Variants in MIPOL1 observed in about 807,000 individuals in gnomAD.
MIPOL1 encodes the protein mirror-image polydactyly gene 1 protein.
A neutral mutation model predicts 60.9 loss-of-function variants in MIPOL1; 57 were observed. The ratio of observed to expected loss-of-function variants is 0.94; its 90% CI spans 0.76 to 1.17. The LOEUF is 1.17. MIPOL1 is among the 50% of genes most tolerant of loss of function. The pLI, the probability that MIPOL1 is intolerant of heterozygous loss-of-function variation, is 0.00. For missense variants in MIPOL1, 551 were observed against 511.6 expected, an observed-to-expected ratio of 1.08 and a Z score of -0.74; for synonymous variants, 179 against 168.8, an observed-to-expected ratio of 1.06 and a Z score of -0.47.
intron 9 of MIPOL1, among the ~76,000 whole-genome samples, chr14:37,349,521 A>T (rs905289590): frequency 6.6e-6 from 1 of 152,116 alleles, no homozygotes; most frequent in Admixed American, 6.6e-5. Flanking sequence ...AAATATGCCA[A>T]ATGTTTCCAC....
intron 10 of MIPOL1, among the ~76,000 whole-genome samples, chr14:37,417,100 G>A (rs916967317): frequency 6.6e-6 from 1 of 152,060 alleles, no homozygotes; most frequent in African/African-American, 2.4e-5. Context: ...GCCAAGATAG[G>A]GGAGTTTGTA....
In MIPOL1 at chr14:37,549,459, A is replaced by G. The variant is rs2095556311; in HGVS notation, c.*2488A>G. On this transcript the variant is annotated 3_prime_UTR_variant, in exon 13 of 13. Transcript: ENST00000684589. ...TTTTAGTATTACTGTCATTATAATT[A>G]TTATTATATTCATTCTACAGATGAG... The G allele has an allele frequency of 6.6e-6, 1 of 151,740 alleles. No homozygotes were observed. Among genetic ancestry groups the G allele is most frequent in the Non-Finnish European group, 1.5e-5 (1 of 67,774 alleles). 9.4% of individuals were successfully genotyped at this position (151,740 alleles called of 1,614,324 possible). A position where few individuals can be genotyped will look rare whatever the true frequency, so the allele number is the denominator to read the frequency against.
At chr14:37,406,768 A>C (rs753298095) in intron 10 of MIPOL1, among the ~76,000 whole-genome samples, 4 of 152,168 alleles carry the variant, frequency 2.6e-5, no homozygotes, top group Non-Finnish European at 4.4e-5. Flanking sequence ...TCTGAAGACC[A>C]TTAAATACTA....
intron 10 of MIPOL1, among the ~76,000 whole-genome samples, chr14:37,378,466 T>C (rs1360238800): frequency 6.6e-6 from 1 of 152,038 alleles, no homozygotes; most frequent in African/African-American, 2.4e-5. Context: ...GTGACAAAAT[T>C]ATAGTGATAG....
intron 10 of MIPOL1, among the ~76,000 whole-genome samples, chr14:37,387,976 G>T (rs1198554248): frequency 1.3e-5 from 2 of 151,856 alleles, no homozygotes; most frequent in Non-Finnish European, 2.9e-5. Context: ...AAGCAAAGAT[G>T]TGACTTAAAA....
rs148594979 is a variant in MIPOL1 at position 37,325,697 on chromosome 14, A to G, written c.828+17178A>G. 2.1e-3 allele frequency among the ~76,000 whole-genome samples: 312 copies of G among 151,982 alleles called. 2 individuals are homozygous for G. Among genetic ancestry groups the G allele is most frequent in the African/African-American group, 6.9e-3 (288 of 41,458 alleles). ...CATTTTACTCTCATTTTTGAAGGATATTTTCACTAGATAGGAATAGATATA... is the reference window on the plus strand; with the variant it reads ...CATTTTACTCTCATTTTTGAAGGATGTTTTCACTAGATAGGAATAGATATA... On this transcript the variant is annotated intron_variant, in intron 9 of 12. Coordinates refer to ENST00000684589, the MANE Select transcript of MIPOL1 (RefSeq NM_001388067.1).
At chr14:37,311,966 T>C (rs1458744249) in intron 9 of MIPOL1, among the ~76,000 whole-genome samples, 1 of 152,138 alleles carries the variant, frequency 6.6e-6, no homozygotes, top group Non-Finnish European at 1.5e-5. Context: ...TTTTCCTCCA[T>C]AACCTCAATA....
chr14:37,468,574 A>G (rs1305415178), intron 11 of MIPOL1, among the ~76,000 whole-genome samples: 1 of 152,224 alleles, frequency 6.6e-6, no homozygotes, highest in Non-Finnish European at 1.5e-5. Flanking sequence ...GATTCTTGTC[A>G]TCCACTAAAA....
At chr14:37,346,781 T>C (rs538509485) in intron 9 of MIPOL1, among the ~76,000 whole-genome samples, 6 of 152,222 alleles carry the variant, frequency 3.9e-5, no homozygotes, top group African/African-American at 1.2e-4. Context: ...ACCTTGAATA[T>C]AGCCAGACCA....
chr14:37,221,371 A>G (rs1968722443), intron 1 of MIPOL1, among the ~76,000 whole-genome samples: 1 of 152,214 alleles, frequency 6.6e-6, no homozygotes, highest in Admixed American at 6.5e-5. Flanking sequence ...TCCATTCATG[A>G]GGGTGGAACC....
intron 9 of MIPOL1, among the ~76,000 whole-genome samples, chr14:37,349,666 A>G (rs1029966441): frequency 1.3e-5 from 2 of 152,060 alleles, no homozygotes; most frequent in South Asian, 2.1e-4. Flanking sequence ...TGAAATTGCA[A>G]TTTCTTTACT....
intron 11 of MIPOL1, among the ~76,000 whole-genome samples, chr14:37,449,032 A>C (rs1007429707): frequency 6.6e-6 from 1 of 152,178 alleles, no homozygotes; most frequent in African/African-American, 2.4e-5. Flanking sequence ...ACTACCTTAA[A>C]ATAATTTCTG....
At chr14:37,507,639 T>TA (rs1203271195) in intron 12 of MIPOL1, 1 of 152,100 alleles carries the variant, frequency 6.6e-6, no homozygotes, top group Non-Finnish European at 1.5e-5. Context: ...AGCATTAAGA[T>TA]AAATACCTAA....
intron 11 of MIPOL1, among the ~76,000 whole-genome samples, chr14:37,441,791 AT>A: frequency 6.6e-6 from 1 of 152,184 alleles, no homozygotes; most frequent in East Asian, 1.9e-4. Context: ...GTTTTTCCCA[AT>A]TCTATGAAAA....
intron 11 of MIPOL1, among the ~76,000 whole-genome samples, chr14:37,472,835 A>G (rs1379566491): frequency 1.3e-5 from 2 of 152,154 alleles, no homozygotes; most frequent in Non-Finnish European, 2.9e-5. Context: ...CTTCCTGCCC[A>G]GTATGTTTTC....
At chr14:37,278,926 TA>T (rs2083881280) in intron 6 of MIPOL1, 4 of 151,814 alleles carry the variant, frequency 2.6e-5, no homozygotes, top group Non-Finnish European at 5.9e-5. Flanking sequence ...ATTAGCTTAC[TA>T]AACAAATTTG....
intron 11 of MIPOL1, among the ~76,000 whole-genome samples, chr14:37,425,248 A>G (rs751401539): frequency 1.3e-5 from 2 of 152,216 alleles, no homozygotes; most frequent in Non-Finnish European, 2.9e-5. Context: ...ATGATGTTGC[A>G]TGAACTGACA....
chr14:37,473,260 G>A (rs2094716131), intron 11 of MIPOL1, among the ~76,000 whole-genome samples: 1 of 152,062 alleles, frequency 6.6e-6, no homozygotes. Flanking sequence ...CATGTGATCT[G>A]TGTACAAGCC....
intron 1 of MIPOL1, among the ~76,000 whole-genome samples, chr14:37,219,869 T>C (rs1317008718): frequency 6.6e-6 from 1 of 152,232 alleles, no homozygotes; most frequent in Non-Finnish European, 1.5e-5. Flanking sequence ...TGCTTATGTT[T>C]AGCTAGTAAG....
Sources: gnomAD v4.1 joint callset for allele counts (sites outside exome capture counted in the v4.1 genomes callset) on GRCh38, gnomAD v4.1.1 for gene constraint, MANE v1.5 for transcripts, NCBI Gene and HGNC (gene_info 2026-07-23, HGNC 2026-07-21) for gene names.